The following ASAP2 variants were observed in gnomAD, a reference collection of about 807,000 sequenced individuals.
The protein encoded by ASAP2 is arf-GAP with SH3 domain, ANK repeat and PH domain-containing protein 2.
A neutral mutation model predicts 131.4 loss-of-function variants in ASAP2; 45 were observed. That is an observed-to-expected ratio of 0.34 (90% confidence interval 0.27 to 0.44). ASAP2 has a LOEUF of 0.44. Ranked by LOEUF, ASAP2 falls within the 20% of genes least tolerant of loss-of-function variation. The probability of loss-of-function intolerance (pLI) is 1.00; values close to 1 mark genes in which losing one functional copy is unlikely to be tolerated. For missense variants in ASAP2, 1,011 were observed against 1,297.0 expected (o/e 0.78, Z 3.39); for synonymous variants, 510 against 503.0 (o/e 1.01, Z -0.19).
At chr2:9,270,917 C>T (rs1302594902) in intron 1 of ASAP2, among the ~76,000 whole-genome samples, 2 of 151,042 alleles carry the variant, frequency 1.3e-5, no homozygotes, top group Admixed American at 6.6e-5. Context: ...CTCAGCCTCC[C>T]GAGTAGCTGG....
At chr2:9,319,257 C>T (rs755768445) in intron 4 of ASAP2, among the ~76,000 whole-genome samples, 1 of 152,232 alleles carries the variant, frequency 6.6e-6, no homozygotes, top group Non-Finnish European at 1.5e-5. Context: ...ACGGAAGGGA[C>T]GTGATTGTGG....
At chr2:9,226,224 T>A (rs1308268073) in intron 1 of ASAP2, among the ~76,000 whole-genome samples, 1 of 152,170 alleles carries the variant, frequency 6.6e-6, no homozygotes, top group Non-Finnish European at 1.5e-5. Context: ...AAAAATCCAA[T>A]CTTATCTCTA....
At chr2:9,328,016 T>C (rs1221169290) in intron 7 of ASAP2, 105 bp downstream of exon 7, 1 of 779,830 alleles carries the variant, frequency 1.3e-6, no homozygotes, top group African/African-American at 1.8e-5. Context: ...TAGAAGTCTA[T>C]AGTAAAGGGA....
At chr2:9,299,500 T>G (rs2148404302) in intron 3 of ASAP2, among the ~76,000 whole-genome samples, 1 of 152,302 alleles carries the variant, frequency 6.6e-6, no homozygotes, top group East Asian at 1.9e-4. Context: ...AAAGGATGTG[T>G]TTTAGTAAAA....
chr2:9,386,364 T>G (rs1203091461), intron 21 of ASAP2, among the ~76,000 whole-genome samples: 3 of 151,874 alleles, frequency 2.0e-5, no homozygotes, highest in East Asian at 3.8e-4. Flanking sequence ...AAGAGTTGAC[T>G]GATTTCATAC....
chr2:9,353,414 C>T (rs75577775), intron 12 of ASAP2, among the ~76,000 whole-genome samples: 1,751 of 152,168 alleles, frequency 0.012, 31 homozygotes, highest in African/African-American at 0.04. Context: ...AAAAATAGTG[C>T]AGTATGGTGA....
intron 7 of ASAP2, among the ~76,000 whole-genome samples, chr2:9,333,503 G>C (rs1467393197): frequency 2.6e-5 from 4 of 152,178 alleles, no homozygotes; most frequent in Admixed American, 6.5e-5. Flanking sequence ...CCTAAAACTT[G>C]AAGAATGAGT....
Position 9,403,427 on chromosome 2 carries a change from G to A in ASAP2, c.*100G>A, listed in dbSNP as rs1676922287. 2.6e-6 allele frequency: 3 copies of A among 1,135,046 alleles called. 1 individual carries two copies. Among genetic ancestry groups the A allele is most frequent in the South Asian group, 2.8e-5 (2 of 71,254 alleles). 70.3% of individuals were successfully genotyped at this position (1,135,046 alleles called of 1,614,324 possible). A position where few individuals can be genotyped will look rare whatever the true frequency, so the allele number is the denominator to read the frequency against. On this transcript the variant is annotated 3_prime_UTR_variant, in exon 28 of 28. Coordinates refer to ENST00000281419, the MANE Select transcript of ASAP2 (RefSeq NM_003887.3). ...AGTTTCATGAACTGTTTGTATGGCA[G>A]CCCATGTTCTCTAATGCCACTGCTC...
intron 17 of ASAP2, 142 bp from the exon 18 acceptor site, chr2:9,376,766 A>G: frequency 1.4e-6 from 1 of 721,566 alleles, no homozygotes; most frequent in East Asian, 2.6e-5. Context: ...TGTAGAGATT[A>G]AAGAGACTCT....
In ASAP2 at chr2:9,351,535, G is replaced by C. The variant is rs112970379; in HGVS notation, c.1111+640G>C. On this transcript the variant is annotated intron_variant, in intron 12 of 27. Transcript: ENST00000281419. ...TAGGTAGTTCTGTGTGGCAGGGTTA[G>C]AGTCTAGGGGAAGAAAGGGCCAGTC... Among the ~76,000 whole-genome samples the C allele has an allele frequency of 7.6e-3, 1,164 of 152,274 alleles. 11 individuals are homozygous for C. Among genetic ancestry groups the C allele is most frequent in the African/African-American group, 0.027 (1,114 of 41,546 alleles).
intron 2 of ASAP2, among the ~76,000 whole-genome samples, chr2:9,290,183 A>G (rs1667722809): frequency 6.6e-6 from 1 of 152,076 alleles, no homozygotes; most frequent in South Asian, 2.1e-4. Flanking sequence ...AGAGAAAGAC[A>G]TATTCTAATG....
intron 1 of ASAP2, among the ~76,000 whole-genome samples, chr2:9,269,268 C>T (rs541047354): frequency 9.2e-5 from 14 of 152,038 alleles, no homozygotes; most frequent in East Asian, 1.9e-4. Flanking sequence ...GGAGGGGGCG[C>T]GCATAACATT....
chr2:9,269,953 T>C (rs888795888), intron 1 of ASAP2, among the ~76,000 whole-genome samples: 1 of 152,132 alleles, frequency 6.6e-6, no homozygotes, highest in Non-Finnish European at 1.5e-5. Flanking sequence ...GCAGCAGAGA[T>C]TGGAAGAGGC....
chr2:9,399,722 G>A (rs901372770), intron 24 of ASAP2: 7 of 449,884 alleles, frequency 1.6e-5, no homozygotes, highest in Non-Finnish European at 2.8e-5. Context: ...GAGCAGACTC[G>A]GGGCGGGGCC....
chr2:9,400,216 C>CCCTCCCCTCCTGCCT, intron 25 of ASAP2, 144 bp downstream of exon 25: 3 of 630,260 alleles, frequency 4.8e-6, no homozygotes, highest in Non-Finnish European at 7.3e-6. Context: ...CCCTCCTGCC[C>CCCTCCCCTCCTGCCT]CCTCCCCTCC....
rs1446076136 is a variant in ASAP2, at chr2:9,404,860, T to C, written c.*1533T>C. 1 of 152,538 alleles carries C rather than the reference T, an allele frequency of 6.6e-6. No homozygotes were observed. 9.4% of individuals were successfully genotyped at this position (152,538 alleles called of 1,614,324 possible). A position where few individuals can be genotyped will look rare whatever the true frequency, so the allele number is the denominator to read the frequency against. Reference sequence around the variant, plus strand: ...CCTTTCAAAGTTCCGGGTAAAAATGTGTTATATCTGTAGTTTTTTGTTTTT... The same window carrying C: ...CCTTTCAAAGTTCCGGGTAAAAATGCGTTATATCTGTAGTTTTTTGTTTTT... On this transcript the variant is annotated 3_prime_UTR_variant, in exon 28 of 28. Transcript: ENST00000281419.
Position 9,405,181 on chromosome 2 carries a change from G to A in ASAP2, c.*1854G>A, listed in dbSNP as rs539441887. ...ATATTTTTCCAGTCTACAATTTGGT[G>A]CTATTGTGCAGTAACTAATAGTACT... On this transcript the variant is annotated 3_prime_UTR_variant, in exon 28 of 28. Transcript: ENST00000281419. The A allele has an allele frequency of 1.9e-4, 29 of 152,292 alleles. No individual in the cohort carries two copies. The highest frequency in any genetic ancestry group is 3.3e-4 in the Admixed American group (5 of 15,302). The allele number at this position is 152,292 out of a possible 1,614,324, so 9.4% of individuals were successfully genotyped here.
In ASAP2 at chr2:9,312,478, C is replaced by A. The variant is rs946447715; in HGVS notation, c.346-6046C>A. Among the ~76,000 whole-genome samples, 6 of 152,160 alleles carry A rather than the reference C, an allele frequency of 3.9e-5. No homozygotes were observed. The South Asian group carries it at 6.2e-4, about 16-fold the overall frequency. ...CCAGTCTACCCCTGCCCCCACCTCA[C>A]GATGCCCCATCTTTTGAAGGTCTGT... On this transcript the variant is annotated intron_variant, in intron 3 of 27. Coordinates refer to ENST00000281419, the MANE Select transcript of ASAP2 (RefSeq NM_003887.3).
chr2:9,266,640 CA>C, intron 1 of ASAP2, among the ~76,000 whole-genome samples: 1 of 152,200 alleles, frequency 6.6e-6, no homozygotes, highest in Middle Eastern at 3.4e-3. Flanking sequence ...CCGTTCTAGT[CA>C]AGATGGGAAT....
Sources: allele counts gnomAD v4.1 joint callset (sites outside exome capture counted in the v4.1 genomes callset), GRCh38; gene constraint gnomAD v4.1.1; transcripts MANE v1.5; gene names NCBI Gene and HGNC (gene_info 2026-07-23, HGNC 2026-07-21).